The following CBX5 variants were observed in gnomAD, a reference collection of about 807,000 sequenced individuals.
CBX5 encodes the protein chromobox protein homolog 5.
CBX5 carries 7 observed loss-of-function variants against 20.7 expected under a neutral mutation model. The observed-to-expected ratio is 0.34, with a 90% confidence interval of 0.19 to 0.63. The LOEUF is 0.63. Ranked by LOEUF, CBX5 falls within the 30% of genes least tolerant of loss-of-function variation. The pLI is 0.75. For synonymous variants in CBX5, 78 were observed against 77.0 expected, an observed-to-expected ratio of 1.01 and a Z score of -0.07; for missense variants, 110 against 224.1, an observed-to-expected ratio of 0.49 and a Z score of 3.25.
intron 3 of CBX5, among the ~76,000 whole-genome samples, chr12:54,250,094 T>C (rs1943778469): frequency 6.6e-6 from 1 of 151,956 alleles, no homozygotes; most frequent in Admixed American, 6.6e-5. Context: ...TGGTGGTGCA[T>C]GTCTGTAATC....
intron 3 of CBX5, among the ~76,000 whole-genome samples, chr12:54,251,547 C>G (rs941802946): frequency 6.9e-6 from 1 of 145,466 alleles, no homozygotes; most frequent in African/African-American, 2.6e-5. Context: ...AAAAATCAGC[C>G]AGGTGTGGTG....
At position 54,242,254 on chromosome 12, in the gene CBX5, G is replaced by A. The variant is rs185482672; in HGVS notation, c.426-349C>T. On this transcript the variant is annotated intron_variant, in intron 4 of 4. Transcript: ENST00000209875. ...AAACCTACATTCAGGGGCCGGGCAC[G>A]GTGGCTCACACCTGTAATCCCAGCA... Among the ~76,000 whole-genome samples the A allele has an allele frequency of 3.9e-3, 586 of 152,148 alleles. 2 individuals carry two copies. Among genetic ancestry groups the A allele is most frequent in the African/African-American group, 0.013 (555 of 41,516 alleles).
At chr12:54,267,285 A>G (rs1476357058) in intron 1 of CBX5, among the ~76,000 whole-genome samples, 1 of 152,246 alleles carries the variant, frequency 6.6e-6, no homozygotes, top group Non-Finnish European at 1.5e-5. Flanking sequence ...TGTTCACAAA[A>G]TATGGAAGGA....
chr12:54,254,457 A>T (rs1035792285), intron 2 of CBX5, among the ~76,000 whole-genome samples: 3 of 152,162 alleles, frequency 2.0e-5, no homozygotes, highest in African/African-American at 7.2e-5. Flanking sequence ...TGACCTAAAC[A>T]ACTTTCTACA....
In CBX5 at chr12:54,257,590, C is replaced by T. The variant is rs746011941; in HGVS notation, c.61G>A (p.Val21Ile). The T allele has an allele frequency of 4.3e-6, 7 of 1,614,214 alleles. No homozygotes were observed. Among genetic ancestry groups the T allele is most frequent in the Non-Finnish European group, 5.9e-6 (7 of 1,180,028 alleles). The part of the protein sequence containing the change: ...SSSSEDEEEY[V>I]VEKVLDRRVV... ...CGCCTGTCTAGCACCTTCTCCACAA[C>T]ATACTCCTCCTCATCCTCTGAAGAA... The change falls in exon 2 of 5, where the codon GTT becomes ATT. Residue 21 changes from valine to isoleucine, a missense_variant. Around this residue, in one of 3 missense-constraint regions of CBX5, gnomAD observed 58 missense variants for 120.6 expected, o/e 0.48. Coordinates refer to ENST00000209875, the MANE Select transcript of CBX5 (RefSeq NM_012117.3).
intron 1 of CBX5, chr12:54,272,819 T>C (rs1440825056): frequency 2.6e-5 from 4 of 152,214 alleles, no homozygotes; most frequent in African/African-American, 9.6e-5. Flanking sequence ...CATAAAGTCT[T>C]AGGTCTAGAA....
intron 1 of CBX5, among the ~76,000 whole-genome samples, chr12:54,263,762 C>CAAAAAAAA (rs66591051): frequency 2.6e-5 from 1 of 37,884 alleles, no homozygotes; most frequent in Non-Finnish European, 5.1e-5. Context: ...GACTCTATCT[C>CAAAAAAAA]AAAAAAAAAA....
chr12:54,262,879 G>C (rs1943924714), intron 1 of CBX5: 1 of 152,182 alleles, frequency 6.6e-6, no homozygotes, highest in African/African-American at 2.4e-5. Flanking sequence ...CATGACAGAG[G>C]AAAAGAAGAT....
At chr12:54,262,382 A>ACTT (rs1294453521) in intron 1 of CBX5, among the ~76,000 whole-genome samples, 1 of 152,252 alleles carries the variant, frequency 6.6e-6, no homozygotes, top group Non-Finnish European at 1.5e-5. Context: ...GAACTGCCTA[A>ACTT]AGGGCACATG....
chr12:54,259,293 A>C (rs2071174539), intron 1 of CBX5: 1 of 151,796 alleles, frequency 6.6e-6, no homozygotes, highest in African/African-American at 2.4e-5. Context: ...GGAGCTGAGC[A>C]GTTTAGGTCA....
At position 54,252,221 on chromosome 12, in the gene CBX5, G is replaced by C. The variant is rs370996890; in HGVS notation, c.144C>G (p.His48Gln). The change falls in exon 3 of 5, where the codon CAC becomes CAG. Residue 48 changes from histidine (H) to glutamine (Q), a missense_variant. By Grantham distance (24) the His-to-Gln change is conservative. Transcript: ENST00000209875. ...AGTTTTTCTCAGGTTCCCAAGTATT[G>C]TGCTCCCTGGGTAAGAAAAATGGGA... ...LLKWKGFSEE[H>Q]NTWEPEKNLD... The C allele has an allele frequency of 3.2e-6, 5 of 1,580,908 alleles. No homozygotes were observed. The African/African-American group carries it at 6.9e-5, about 22-fold the overall frequency.
At chr12:54,248,473 G>A (rs1943760105) in intron 3 of CBX5, among the ~76,000 whole-genome samples, 1 of 152,112 alleles carries the variant, frequency 6.6e-6, no homozygotes, top group Non-Finnish European at 1.5e-5. Context: ...CAAAGCATTT[G>A]GGGTCCGGGT....
Position 54,236,407 on chromosome 12 carries a change from T to G in CBX5, c.*5348A>C, listed in dbSNP as rs1943623268. The stretch of plus-strand genomic sequence containing the variant: ...AAACCAATGTTGATGTACAGCAATG[T>G]GGCTGGAATTTAGAAAGCTTAATAA... On this transcript the variant is annotated 3_prime_UTR_variant, in exon 5 of 5. Transcript: ENST00000209875. 6.6e-6 allele frequency: 1 copy of G among 152,208 alleles called. No homozygotes were observed. The highest frequency in any genetic ancestry group is 1.5e-5 in the Non-Finnish European group (1 of 68,030). The allele number at this position is 152,208 out of a possible 1,614,324, so 9.4% of individuals were successfully genotyped here.
intron 1 of CBX5, chr12:54,274,229 G>C (rs1224673057): frequency 2.0e-5 from 3 of 152,184 alleles, no homozygotes; most frequent in African/African-American, 4.8e-5. Context: ...ATGTGGCTTC[G>C]AGTGGCTTAC....
intron 2 of CBX5, chr12:54,255,711 TTC>T (rs1181591332): frequency 6.6e-6 from 1 of 151,692 alleles, no homozygotes; most frequent in Non-Finnish European, 1.5e-5. Flanking sequence ...AAAATGGGAG[TTC>T]TGACCTGCTC....
chr12:54,279,492 C>A (rs982098308), intron 1 of CBX5, among the ~76,000 whole-genome samples: 2 of 152,120 alleles, frequency 1.3e-5, no homozygotes, highest in African/African-American at 2.4e-5. Context: ...GGCACCGACT[C>A]CCCTTCCTCA....
In CBX5 at chr12:54,248,475, G is replaced by T. The variant is rs117938250; in HGVS notation, c.325-2260C>A. Among the ~76,000 whole-genome samples the T allele has an allele frequency of 1.8e-3, 277 of 152,234 alleles. 1 individual carries two copies. In the East Asian group the frequency reaches 0.03, roughly 16 times the overall value. ...CCTCTGAGACATACAAAGCATTTGG[G>T]GTCCGGGTGGTCCCCAAAGATACCA... On this transcript the variant is annotated intron_variant, in intron 3 of 4. Transcript: ENST00000209875.
At position 54,257,632 on chromosome 12, in the gene CBX5, G is replaced by C. The variant is rs1943874567; in HGVS notation, c.19C>G (p.Arg7Gly). ...TCTGAAGAAGAACTGTCAGCTGTCCGCTTGGTTTTCTTTCCCATGTCGCAC... is the reference window on the plus strand; with the variant it reads ...TCTGAAGAAGAACTGTCAGCTGTCCCCTTGGTTTTCTTTCCCATGTCGCAC... MGKKTK[R>G]TADSSSSEDE... The change falls in exon 2 of 5, where the codon CGG becomes GGG. Residue 7 changes from arginine to glycine, a missense_variant. By Grantham distance (125) the Arg-to-Gly change is moderately radical (BLOSUM62 -2). This residue lies in a region of CBX5 where 58 missense variants were observed against 120.6 expected (regional missense o/e 0.48). Transcript: ENST00000209875. 1 of 1,614,174 alleles carries C rather than the reference G, an allele frequency of 6.2e-7. No homozygotes were observed. The highest frequency in any genetic ancestry group is 8.5e-7 in the Non-Finnish European group (1 of 1,180,020).
At chr12:54,247,573 GA>G (rs1943749041) in intron 3 of CBX5, among the ~76,000 whole-genome samples, 1 of 152,074 alleles carries the variant, frequency 6.6e-6, no homozygotes. Flanking sequence ...GATGAGTATT[GA>G]AACTTGGTCT....
Sources: allele counts gnomAD v4.1 joint callset (sites outside exome capture counted in the v4.1 genomes callset), GRCh38; gene constraint gnomAD v4.1.1; regional missense constraint gnomAD v4.1.1; transcripts MANE v1.5; gene names NCBI Gene and HGNC (gene_info 2026-07-23, HGNC 2026-07-21).